The following IFT81 variants were observed in gnomAD, a reference collection of about 807,000 sequenced individuals.
The protein encoded by IFT81 is intraflagellar transport protein 81 homolog.
Under a neutral mutation model 102.6 loss-of-function variants are expected in IFT81, and 72 were observed. The ratio of observed to expected loss-of-function variants is 0.70; its 90% CI spans 0.58 to 0.85. The LOEUF is 0.85. IFT81 is among the 40% of genes least tolerant of loss of function. The pLI, the probability that IFT81 is intolerant of heterozygous loss-of-function variation, is 0.00. For synonymous variants in IFT81, 237 were observed against 242.7 expected (o/e 0.98, Z 0.22); for missense variants, 723 against 787.3 (o/e 0.92, Z 0.98).
rs748765767 is a variant in IFT81, at chr12:110,180,546, G to A, written c.1313G>A (p.Arg438His). The A allele has an allele frequency of 1.4e-5, 23 of 1,604,506 alleles. No homozygotes were observed. Among genetic ancestry groups the A allele is most frequent in the South Asian group, 3.3e-5 (3 of 89,952 alleles). Residue 438 changes from arginine (R) to histidine (H), a missense_variant, in exon 12 of 19, where the codon CGT (arginine) becomes CAT (histidine). Arg to His is a conservative substitution (Grantham distance 29, BLOSUM62 0). Transcript: ENST00000242591. ...LQRTEELLKQ[R>H]HENIQQQLQT... ...AGGACTGAAGAACTTCTTAAGCAACGTCATGAAAATATTCAACAACAACTG... is the reference window on the plus strand; with the variant it reads ...AGGACTGAAGAACTTCTTAAGCAACATCATGAAAATATTCAACAACAACTG...
At chr12:110,171,992 A>G (rs1896755833) in intron 11 of IFT81, 1 of 152,244 alleles carries the variant, frequency 6.6e-6, no homozygotes, top group Admixed American at 6.5e-5. Flanking sequence ...GATGTGATTT[A>G]ATTAAGAAAT....
chr12:110,153,529 C>T (rs1028662288), intron 10 of IFT81, among the ~76,000 whole-genome samples: 94 of 151,194 alleles, frequency 6.2e-4, no homozygotes, highest in African/African-American at 2.1e-3. Flanking sequence ...TGAGCCACCG[C>T]GCCCAGCCTG....
intron 18 of IFT81, among the ~76,000 whole-genome samples, chr12:110,214,808 A>T (rs769881631): frequency 2.4e-4 from 37 of 152,200 alleles, no homozygotes; most frequent in Non-Finnish European, 3.8e-4. Flanking sequence ...TATTCCAATG[A>T]TATAAGAAAA....
In IFT81 at chr12:110,134,674, A is replaced by T. The variant is rs531613692; in HGVS notation, c.520-274A>T. On this transcript the variant is annotated intron_variant, in intron 5 of 18. Coordinates refer to ENST00000242591, the MANE Select transcript of IFT81 (RefSeq NM_014055.4). ...ATCATGTGCCCATATTTGGAATCAG[A>T]ACACAAATGTGCTGGTTGGCAGCTT... Among the ~76,000 whole-genome samples, 7 of 152,358 alleles carry T rather than the reference A, an allele frequency of 4.6e-5. No individual in the cohort carries two copies. In the East Asian group the frequency reaches 1.2e-3, roughly 25 times the overall value.
intron 11 of IFT81, chr12:110,171,754 C>G (rs1896743452): frequency 6.6e-6 from 1 of 152,194 alleles, no homozygotes; most frequent in Non-Finnish European, 1.5e-5. Flanking sequence ...TTCAGGGAAT[C>G]CAAATAATTT....
intron 18 of IFT81, 51 bp downstream of exon 18, chr12:110,209,267 C>T (rs1358021038): frequency 3.4e-6 from 3 of 872,554 alleles, no homozygotes; most frequent in East Asian, 5.4e-5. Context: ...TTCAGGCTTT[C>T]AGTACTGTAC....
intron 14 of IFT81, among the ~76,000 whole-genome samples, chr12:110,201,885 A>G (rs1898299547): frequency 6.6e-6 from 1 of 152,208 alleles, no homozygotes; most frequent in Non-Finnish European, 1.5e-5. Context: ...AATAACACAC[A>G]TGAAGATGTC....
intron 10 of IFT81, among the ~76,000 whole-genome samples, chr12:110,158,965 G>T (rs189099793): frequency 6.9e-6 from 1 of 145,828 alleles, no homozygotes; most frequent in African/African-American, 2.5e-5. Context: ...CTCGTGATCC[G>T]CCCGCCTCAG....
intron 17 of IFT81, among the ~76,000 whole-genome samples, chr12:110,206,589 C>T (rs1056324908): frequency 6.6e-6 from 1 of 151,164 alleles, no homozygotes; most frequent in Non-Finnish European, 1.5e-5. Context: ...GCGTGGGAAT[C>T]GCTTGAACCC....
At chr12:110,174,820 A>G (rs1896970195) in intron 11 of IFT81, among the ~76,000 whole-genome samples, 1 of 152,246 alleles carries the variant, frequency 6.6e-6, no homozygotes, top group South Asian at 2.1e-4. Context: ...GTCAATTTCC[A>G]TTTTGATCAC....
chr12:110,144,029 G>A (rs1291974706), intron 9 of IFT81, among the ~76,000 whole-genome samples: 1 of 26,538 alleles, frequency 3.8e-5, no homozygotes, highest in Non-Finnish European at 6.8e-5. Context: ...TTTTTTTTTT[G>A]AGACAGTACT....
intron 10 of IFT81, among the ~76,000 whole-genome samples, chr12:110,158,458 A>G (rs538517804): frequency 1.3e-5 from 2 of 151,402 alleles, no homozygotes; most frequent in East Asian, 3.9e-4. Flanking sequence ...CTGGTTTCAA[A>G]CTCCTGGCCT....
At chr12:110,192,334 T>C (rs1897835124) in intron 13 of IFT81, among the ~76,000 whole-genome samples, 1 of 152,186 alleles carries the variant, frequency 6.6e-6, no homozygotes, top group African/African-American at 2.4e-5. Context: ...ATTATAGTTG[T>C]ATAGGGCAAT....
rs537458299 is a variant in IFT81, at chr12:110,197,438, C to G, written c.1557+4732C>G. On this transcript the variant is annotated intron_variant, in intron 14 of 18. Transcript: ENST00000242591. ...TACATCCTGTTATTTACTGTGTTTT[C>G]TCTTTGCTTTTTTTTTTTAACCATC... 2.2e-4 allele frequency among the ~76,000 whole-genome samples: 32 copies of G among 145,422 alleles called. 1 individual carries two copies. The South Asian group carries it at 5.6e-3, about 25-fold the overall frequency.
At chr12:110,127,577 C>G (rs1893924927) in intron 2 of IFT81, 53 bp downstream of exon 2, 1 of 1,500,270 alleles carries the variant, frequency 6.7e-7, no homozygotes, top group Non-Finnish European at 8.9e-7. Flanking sequence ...ATTTCTCCCT[C>G]TAAATAGCTG....
intron 8 of IFT81, among the ~76,000 whole-genome samples, chr12:110,139,818 T>TAAATAAAATAAAATAAAATAAAATA (rs749031924): frequency 3.8e-5 from 4 of 105,524 alleles, no homozygotes; most frequent in African/African-American, 1.4e-4. Context: ...TAAAATAAAA[T>TAAATAAAATAAAATAAAATAAAATA]AAATAAAATA....
intron 12 of IFT81, among the ~76,000 whole-genome samples, chr12:110,187,176 T>C (rs1566154930): frequency 6.6e-6 from 1 of 152,194 alleles, no homozygotes; most frequent in African/African-American, 2.4e-5. Context: ...TTCTTCAACT[T>C]TTTGTTTATT....
At chr12:110,182,923 C>G (rs183598151) in intron 12 of IFT81, among the ~76,000 whole-genome samples, 1 of 152,122 alleles carries the variant, frequency 6.6e-6, no homozygotes, top group Admixed American at 6.5e-5. Context: ...TGCTTTCTAT[C>G]GGGAACATAG....
chr12:110,139,930 G>A (rs1228901890), intron 8 of IFT81, among the ~76,000 whole-genome samples: 1 of 146,706 alleles, frequency 6.8e-6, no homozygotes, highest in Admixed American at 6.8e-5. Context: ...GCTGGGCATG[G>A]TGGTACATGC....
Sources: gnomAD v4.1 joint callset for allele counts (sites outside exome capture counted in the v4.1 genomes callset) on GRCh38, gnomAD v4.1.1 for gene constraint, MANE v1.5 for transcripts, NCBI Gene and HGNC (gene_info 2026-07-23, HGNC 2026-07-21) for gene names.